CDK5RAP2: variants seen among roughly 807,000 people sequenced by gnomAD.
CDK5RAP2 encodes the protein CDK5 regulatory subunit associated protein 2, also known as CDK5 regulatory subunit-associated protein 2.
CDK5RAP2 carries 147 observed loss-of-function variants against 232.9 expected under a neutral mutation model. The ratio of observed to expected loss-of-function variants is 0.63; its 90% CI spans 0.55 to 0.72. CDK5RAP2 has a LOEUF of 0.72. Ranked by LOEUF, CDK5RAP2 falls within the 30% of genes least tolerant of loss-of-function variation. CDK5RAP2 has a pLI of 0.00. For missense variants in CDK5RAP2, 2,195 were observed against 2,231.5 expected (o/e 0.98, Z 0.33); for synonymous variants, 833 against 833.7 (o/e 1.00, Z 0.01).
At chr9:120,525,855 C>T (rs1014752936) in intron 10 of CDK5RAP2, among the ~76,000 whole-genome samples, 5 of 152,152 alleles carry the variant, frequency 3.3e-5, no homozygotes, top group Admixed American at 2.6e-4. Flanking sequence ...TGGCCTCAAG[C>T]GATCCTCCGA....
intron 34 of CDK5RAP2, among the ~76,000 whole-genome samples, chr9:120,402,241 T>G (rs1199845977): frequency 6.6e-6 from 1 of 152,098 alleles, no homozygotes; most frequent in East Asian, 1.9e-4. Context: ...GAAGCTACAG[T>G]GAGCCATGAT....
chr9:120,493,598 G>A (rs747678619), intron 12 of CDK5RAP2, among the ~76,000 whole-genome samples: 2 of 152,118 alleles, frequency 1.3e-5, no homozygotes, highest in Non-Finnish European at 2.9e-5. Context: ...AATTTAACCT[G>A]AATTTGACCA....
Position 120,453,461 on chromosome 9 carries a change from TG to T in CDK5RAP2, c.2787del (p.Asn930ThrfsTer12). On this transcript the variant is annotated frameshift_variant, in exon 21 of 38. Coordinates refer to ENST00000349780, the MANE Select transcript of CDK5RAP2 (RefSeq NM_018249.6). LOFTEE classifies it high-confidence loss of function. ...TATTACATGGAAAAACTTACTCTGT[TG>T]GTAATACCAGGGAGGGAAAGGAGGG... ...QAALLSLPGI[T>X]NREAKKSRLP... The T allele has an allele frequency of 6.2e-7, 1 of 1,608,356 alleles. No individual in the cohort carries two copies. Among genetic ancestry groups the T allele is most frequent in the East Asian group, 2.2e-5 (1 of 44,826 alleles).
At position 120,460,617 on chromosome 9, in the gene CDK5RAP2, G is replaced by A. The variant is rs557197716; in HGVS notation, c.2157C>T (p.Asp719=). 3.6e-5 allele frequency: 58 copies of A among 1,614,060 alleles called. No individual in the cohort carries two copies. Among genetic ancestry groups the A allele is most frequent in the African/African-American group, 9.3e-5 (7 of 75,002 alleles). Residue 719 remains aspartate (D), a synonymous_variant, in exon 19 of 38, where the codon GAC becomes GAT. Coordinates refer to ENST00000349780, the MANE Select transcript of CDK5RAP2 (RefSeq NM_018249.6). ...GCTGGTCACTCAGGAAATTAATCTC[G>A]TCATCCTCCCCAATTTTGATCGTGT... The part of the protein sequence containing the change: ...DEDTIKIGED[D]EINFLSDQHL...
At chr9:120,453,962 C>T in intron 20 of CDK5RAP2, 89 bp from the exon 21 acceptor site, 1 of 1,316,680 alleles carries the variant, frequency 7.6e-7, no homozygotes, top group Non-Finnish European at 1.1e-6. Flanking sequence ...TCCCCACCTA[C>T]TGTTGCCCAG....
intron 25 of CDK5RAP2, among the ~76,000 whole-genome samples, chr9:120,432,179 TA>T (rs2035322406): frequency 6.6e-6 from 1 of 152,218 alleles, no homozygotes; most frequent in Non-Finnish European, 1.5e-5. Context: ...GGGGAATTAT[TA>T]AATAAATTAT....
At chr9:120,453,338 G>C (rs2131403220) in intron 21 of CDK5RAP2, 118 bp downstream of exon 21, 1 of 922,156 alleles carries the variant, frequency 1.1e-6, no homozygotes, top group Non-Finnish European at 1.6e-6. Flanking sequence ...TGCAAGCAGA[G>C]GGAGACACTG....
chr9:120,516,788 C>T (rs527704747), intron 12 of CDK5RAP2, among the ~76,000 whole-genome samples: 1 of 152,252 alleles, frequency 6.6e-6, no homozygotes, highest in East Asian at 1.9e-4. Context: ...ATGAGCATGC[C>T]ACCGCACTCC....
chr9:120,470,805 G>C (rs2037658716), intron 16 of CDK5RAP2, among the ~76,000 whole-genome samples: 1 of 151,834 alleles, frequency 6.6e-6, no homozygotes, highest in African/African-American at 2.4e-5. Flanking sequence ...GGGGAGAAGT[G>C]GGGGGCGGGG....
At position 120,403,098 on chromosome 9, in the gene CDK5RAP2, ATCTGTTTCAGGTAACAC is replaced by A. The variant is rs775435940; in HGVS notation, c.5042-44_5042-28del. The A allele has an allele frequency of 3.7e-6, 6 of 1,613,062 alleles. No individual in the cohort carries two copies. Among genetic ancestry groups the A allele is most frequent in the Non-Finnish European group, 4.2e-6 (5 of 1,179,132 alleles). On this transcript the variant is annotated intron_variant, in intron 33 of 37. Coordinates refer to ENST00000349780, the MANE Select transcript of CDK5RAP2 (RefSeq NM_018249.6). The surrounding 1 kb of genome is among the most constrained non-coding windows in gnomAD (Gnocchi z 4.2). ...TGTAAAATGAGAAGTAGGATGTAAAATCTGTTTCAGGTAACACTCTGCGTTCAAGACGCTTATGATGT... is the reference window on the plus strand; with the variant it reads ...TGTAAAATGAGAAGTAGGATGTAAAATCTGCGTTCAAGACGCTTATGATGT...
At position 120,530,086 on chromosome 9, in the gene CDK5RAP2, G is replaced by A. The variant is rs200125315; in HGVS notation, c.717C>T (p.Cys239=). 1.2e-6 allele frequency: 2 copies of A among 1,613,080 alleles called. No homozygotes were observed. The highest frequency in any genetic ancestry group is 2.2e-5 in the East Asian group (1 of 44,864). Residue 239 remains cysteine (C), a synonymous_variant, in exon 8 of 38, where the codon TGC becomes TGT. Coordinates refer to ENST00000349780, the MANE Select transcript of CDK5RAP2 (RefSeq NM_018249.6). Reference sequence around the variant, plus strand: ...CCATCTGAGATTTCTCCTCTTTAAGGCACTGAATTAAAGCTTCTTTGCTCT... The same window carrying A: ...CCATCTGAGATTTCTCCTCTTTAAGACACTGAATTAAAGCTTCTTTGCTCT... ...SLKSKEALIQ[C]LKEEKSQMAC...
At chr9:120,442,262 C>G (rs940221120) in intron 23 of CDK5RAP2, among the ~76,000 whole-genome samples, 11 of 152,192 alleles carry the variant, frequency 7.2e-5, no homozygotes, top group Non-Finnish European at 1.5e-4. Flanking sequence ...CTCTAACACT[C>G]TGAATGATGC....
intron 21 of CDK5RAP2, among the ~76,000 whole-genome samples, chr9:120,449,646 T>C (rs1040183399): frequency 2.6e-5 from 4 of 152,234 alleles, no homozygotes; most frequent in Admixed American, 2.0e-4. Flanking sequence ...ATCCAGGCTA[T>C]ATTTAAAGAA....
intron 11 of CDK5RAP2, among the ~76,000 whole-genome samples, chr9:120,524,570 G>A (rs982875782): frequency 5.3e-5 from 8 of 152,086 alleles, no homozygotes; most frequent in African/African-American, 9.7e-5. Context: ...CCCAGGAGGC[G>A]GAGGTTGCAG....
intron 25 of CDK5RAP2, 122 bp from the exon 26 acceptor site, chr9:120,422,863 T>A: frequency 1.4e-6 from 1 of 737,088 alleles, no homozygotes; most frequent in Non-Finnish European, 2.4e-6. Context: ...TCTGTAACAA[T>A]CCTGGATATT....
chr9:120,423,325 T>C (rs1262459966), intron 25 of CDK5RAP2, among the ~76,000 whole-genome samples: 1 of 152,202 alleles, frequency 6.6e-6, no homozygotes, highest in African/African-American at 2.4e-5. Context: ...ATTTGCAAAT[T>C]TTCACTTTTA....
chr9:120,520,752 T>C (rs558612731), intron 11 of CDK5RAP2, among the ~76,000 whole-genome samples: 10 of 120,598 alleles, frequency 8.3e-5, no homozygotes, highest in Middle Eastern at 5.3e-3. Context: ...TGATATCTCA[T>C]ATCTCATGAG....
rs983327811 is a variant in CDK5RAP2, at chr9:120,477,422, T to A, written c.1655A>T (p.Glu552Val). 5 of 1,613,468 alleles carry A rather than the reference T, an allele frequency of 3.1e-6. No individual in the cohort carries two copies. The African/African-American group carries it at 5.3e-5, about 17-fold the overall frequency. ...CTCTTTCTTTAAGACCTGAATCAGC[T>A]CTTCATAGTCTGATGATTGTTTCTT... ...KEKKQSSDYE[E>V]LIQVLKKEQD... Residue 552 changes from glutamate to valine, a missense_variant, in exon 15 of 38, where the codon GAG becomes GTG. By Grantham distance (121) the Glu-to-Val change is moderately radical. Coordinates refer to ENST00000349780, the MANE Select transcript of CDK5RAP2 (RefSeq NM_018249.6).
At chr9:120,508,400 A>G (rs1421611142) in intron 12 of CDK5RAP2, among the ~76,000 whole-genome samples, 2 of 152,148 alleles carry the variant, frequency 1.3e-5, no homozygotes, top group Non-Finnish European at 2.9e-5. Flanking sequence ...TCTCTCCATA[A>G]CAGTTCATTC....
Sources: gnomAD v4.1 joint callset for allele counts (sites outside exome capture counted in the v4.1 genomes callset) on GRCh38, gnomAD v4.1.1 for gene constraint, Gnocchi (gnomAD v3.1) non-coding constraint, MANE v1.5 for transcripts, NCBI Gene and HGNC (gene_info 2026-07-23, HGNC 2026-07-21) for gene names.